PDIA5: variants seen among roughly 807,000 people sequenced by gnomAD.
PDIA5 encodes protein disulfide-isomerase A5.
In PDIA5, 58 loss-of-function variants were observed where a neutral mutation model predicts 77.6. The ratio of observed to expected loss-of-function variants is 0.75; its 90% confidence interval spans 0.61 to 0.93. The LOEUF is 0.93. PDIA5 is among the 40% of genes least tolerant of loss of function. The pLI is 0.00. For synonymous variants in PDIA5, 250 were observed against 252.1 expected, an observed-to-expected ratio of 0.99 and a Z score of 0.08; for missense variants, 630 against 647.7, an observed-to-expected ratio of 0.97 and a Z score of 0.30.
chr3:123,144,467 C>A (rs1935713295), intron 11 of PDIA5: 1 of 152,254 alleles, frequency 6.6e-6, no homozygotes, highest in Non-Finnish European at 1.5e-5. Context: ...AGTACTCTTT[C>A]TATTAAAATG....
rs1478231084 is a variant in PDIA5, at chr3:123,124,324, A to G, written c.754A>G (p.Ile252Val). The change falls in exon 10 of 17, where the codon ATT becomes GTT. Residue 252 changes from isoleucine to valine, a missense_variant. By Grantham distance (29) the Ile-to-Val change is conservative. Coordinates refer to ENST00000316218, the MANE Select transcript of PDIA5 (RefSeq NM_006810.4). ...CAACTATGGGTCCACAGCTGAGGAC[A>G]TTGTGGAGTGGCTGAAGAAGTAAGT... ...YDNYGSTAED[I>V]VEWLKNPQPP... The G allele has an allele frequency of 4.3e-6, 7 of 1,613,112 alleles. No individual in the cohort carries two copies. The African/African-American group carries it at 8.0e-5, about 18-fold the overall frequency.
intron 8 of PDIA5, 71 bp from the exon 9 acceptor site, chr3:123,123,995 C>T: frequency 1.1e-6 from 1 of 930,432 alleles, no homozygotes; most frequent in Non-Finnish European, 1.8e-6. Context: ...AGCAGCTGGA[C>T]AGATGGCGTG....
At chr3:123,080,913 C>T (rs971398787) in intron 1 of PDIA5, among the ~76,000 whole-genome samples, 1 of 148,476 alleles carries the variant, frequency 6.7e-6, no homozygotes, top group Non-Finnish European at 1.5e-5. Context: ...CTTTAGCAGG[C>T]CCTTCCTCCC....
At chr3:123,110,237 A>C (rs1934828842) in intron 6 of PDIA5, among the ~76,000 whole-genome samples, 1 of 152,136 alleles carries the variant, frequency 6.6e-6, no homozygotes, top group East Asian at 1.9e-4. Flanking sequence ...TATTGTATGT[A>C]TCTAACAAAT....
At chr3:123,134,367 G>T (rs1935442826) in intron 11 of PDIA5, among the ~76,000 whole-genome samples, 1 of 152,134 alleles carries the variant, frequency 6.6e-6, no homozygotes, top group African/African-American at 2.4e-5. Flanking sequence ...ACCCCAGGGG[G>T]GTGCTCTCTG....
chr3:123,111,801 C>T (rs769853076), intron 7 of PDIA5, among the ~76,000 whole-genome samples: 26 of 152,324 alleles, frequency 1.7e-4, no homozygotes, highest in Non-Finnish European at 3.2e-4. Context: ...ACAAAAGTTT[C>T]GCAAAACCAC....
intron 6 of PDIA5, among the ~76,000 whole-genome samples, chr3:123,107,201 T>G (rs532909927): frequency 6.6e-6 from 1 of 152,326 alleles, no homozygotes; most frequent in South Asian, 2.1e-4. Context: ...TTTTGTTTTG[T>G]TTTTTTAAAG....
At chr3:123,126,597 C>T (rs768271685) in intron 10 of PDIA5, among the ~76,000 whole-genome samples, 4 of 152,294 alleles carry the variant, frequency 2.6e-5, no homozygotes, top group Non-Finnish European at 4.4e-5. Context: ...TGGGTTTTCC[C>T]GGTCCCACAT....
At chr3:123,096,252 G>A (rs774920394) in intron 3 of PDIA5, among the ~76,000 whole-genome samples, 12 of 152,124 alleles carry the variant, frequency 7.9e-5, no homozygotes, top group Non-Finnish European at 1.8e-4. Flanking sequence ...AGGCTGCAGT[G>A]CAGTGTCACA....
intron 3 of PDIA5, among the ~76,000 whole-genome samples, chr3:123,095,953 T>C (rs114573053): frequency 1.3e-5 from 2 of 152,248 alleles, no homozygotes; most frequent in Non-Finnish European, 2.9e-5. Flanking sequence ...CTAAATAGCC[T>C]GGTTCAGAAA....
intron 14 of PDIA5, among the ~76,000 whole-genome samples, chr3:123,151,150 C>T (rs951351927): frequency 1.3e-5 from 2 of 152,194 alleles, no homozygotes; most frequent in Admixed American, 1.3e-4. Flanking sequence ...TCCGTGGAGT[C>T]TGTGTGTTCT....
chr3:123,141,918 C>T (rs836871), intron 11 of PDIA5, among the ~76,000 whole-genome samples: 42,744 of 152,062 alleles, frequency 0.28, 6,536 homozygotes, highest in East Asian at 0.64. Context: ...TCCCATTGGA[C>T]AGTGATTGGC....
At chr3:123,112,466 C>A (rs1934886152) in intron 7 of PDIA5, among the ~76,000 whole-genome samples, 1 of 148,902 alleles carries the variant, frequency 6.7e-6, no homozygotes, top group African/African-American at 2.5e-5. Context: ...CTGTGGCATT[C>A]TGGTGGTTCT....
chr3:123,095,749 C>CA (rs61654925), intron 3 of PDIA5, among the ~76,000 whole-genome samples: 14,653 of 86,600 alleles, frequency 0.17, 1,123 homozygotes, highest in Admixed American at 0.34. Flanking sequence ...AACTCTGTCT[C>CA]AAAAAAAAAA....
At chr3:123,078,311 G>T (rs1348251286) in intron 1 of PDIA5, among the ~76,000 whole-genome samples, 1 of 152,238 alleles carries the variant, frequency 6.6e-6, no homozygotes, top group Non-Finnish European at 1.5e-5. Context: ...GTGGGAAAGG[G>T]CACAGAGCAA....
chr3:123,095,918 T>TGA (rs961701325), intron 3 of PDIA5, among the ~76,000 whole-genome samples: 7 of 152,124 alleles, frequency 4.6e-5, no homozygotes, highest in African/African-American at 1.7e-4. Flanking sequence ...AATGTGGAGT[T>TGA]GAGTCTTCCA....
chr3:123,150,281 C>G lies in PDIA5; in HGVS notation c.1190C>G (p.Thr397Arg), dbSNP rs779138285. 6.2e-7 allele frequency: 1 copy of G among 1,613,782 alleles called. No homozygotes were observed. Among genetic ancestry groups the G allele is most frequent in the South Asian group, 1.1e-5 (1 of 91,074 alleles). Residue 397 changes from threonine (T) to arginine (R), a missense_variant, in exon 14 of 17, where the codon ACA (threonine) becomes AGA (arginine). Transcript: ENST00000316218. ...PPEPTWEEQQ[T>R]SVLHLVGDNF... ...GAGCCCACGTGGGAAGAGCAGCAGACAAGCGTGTTGCACCTGGTGGGGGAC... is the reference window on the plus strand; with the variant it reads ...GAGCCCACGTGGGAAGAGCAGCAGAGAAGCGTGTTGCACCTGGTGGGGGAC...
Position 123,130,672 on chromosome 3 carries a change from G to C in PDIA5, c.910+56G>C, listed in dbSNP as rs1209650364. The C allele has an allele frequency of 2.5e-6, 4 of 1,590,206 alleles. No homozygotes were observed. The African/African-American group carries it at 5.4e-5, about 21-fold the overall frequency. On this transcript the variant is annotated intron_variant, in intron 11 of 16. Transcript: ENST00000316218. ...ACCCTCCCCTCTCTCAGAGTAGGAT[G>C]AGTGTGGCGCTTTGCAATGTGAACC...
At chr3:123,146,430 G>A (rs1216889166) in intron 13 of PDIA5, among the ~76,000 whole-genome samples, 171 bp downstream of exon 13, 2 of 152,192 alleles carry the variant, frequency 1.3e-5, no homozygotes, top group African/African-American at 4.8e-5. Flanking sequence ...TGCTGATCAC[G>A]TGTCTTGATC....
Sources: gnomAD v4.1 joint callset for allele counts (sites outside exome capture counted in the v4.1 genomes callset) on GRCh38, gnomAD v4.1.1 for gene constraint, MANE v1.5 for transcripts, NCBI Gene and HGNC (gene_info 2026-07-23, HGNC 2026-07-21) for gene names.